Variants in C8orf76 observed in about 807,000 individuals in gnomAD.
C8orf76 encodes uncharacterized protein C8orf76.
In C8orf76, 46 loss-of-function variants were observed where a neutral mutation model predicts 38.1. The ratio of observed to expected loss-of-function variants is 1.21; its 90% CI spans 0.95 to 1.54. C8orf76 has a LOEUF of 1.54. C8orf76 is among the 40% of genes most tolerant of loss of function. The pLI is 0.00. For synonymous variants in C8orf76, 166 were observed against 167.5 expected (o/e 0.99, Z 0.07); for missense variants, 461 against 441.6 (o/e 1.04, Z -0.39).
intron 1 of C8orf76, 130 bp from the exon 2 acceptor site, chr8:123,239,274 T>A: frequency 1.1e-6 from 1 of 951,578 alleles, no homozygotes; most frequent in African/African-American, 1.7e-5. Context: ...GCCAGGTTAG[T>A]CTTGAACTCC....
At chr8:123,232,040 AAACATAAAT>A (rs1468326201) in intron 3 of C8orf76, among the ~76,000 whole-genome samples, 1 of 152,256 alleles carries the variant, frequency 6.6e-6, no homozygotes, top group Non-Finnish European at 1.5e-5. Context: ...TCAGCATCAA[AAACATAAAT>A]ATCCATTTAT....
intron 4 of C8orf76, among the ~76,000 whole-genome samples, chr8:123,230,158 T>G (rs1225857345): frequency 6.6e-6 from 1 of 152,200 alleles, no homozygotes; most frequent in Non-Finnish European, 1.5e-5. Flanking sequence ...GAGAGTCTGC[T>G]TCTTCTCTCA....
intron 4 of C8orf76, among the ~76,000 whole-genome samples, chr8:123,228,625 A>C (rs1825130833): frequency 1.3e-5 from 2 of 152,018 alleles, no homozygotes; most frequent in South Asian, 4.1e-4. Flanking sequence ...GTCTCAAAAA[A>C]AAAAACACCA....
Position 123,220,045 on chromosome 8 carries a change from G to T in C8orf76, c.*58C>A. On this transcript the variant is annotated 3_prime_UTR_variant, in exon 6 of 6. Coordinates refer to ENST00000276704, the MANE Select transcript of C8orf76 (RefSeq NM_032847.3). ...TGATTAGCAATGGATCCTGTCTGAA[G>T]TAAACAAGGACAATTAATACAGTAC... 1.9e-6 allele frequency: 2 copies of T among 1,039,162 alleles called. No individual in the cohort carries two copies. Among genetic ancestry groups the T allele is most frequent in the Non-Finnish European group, 2.7e-6 (2 of 729,096 alleles). 64.4% of individuals were successfully genotyped at this position (1,039,162 alleles called of 1,614,324 possible).
At chr8:123,233,201 T>A (rs921097515) in intron 3 of C8orf76, among the ~76,000 whole-genome samples, 3 of 146,508 alleles carry the variant, frequency 2.0e-5, no homozygotes, top group African/African-American at 8.0e-5. Flanking sequence ...TTGCATAAAG[T>A]AAAGACAGGG....
At chr8:123,238,069 T>C in intron 2 of C8orf76, 128 bp from the exon 3 acceptor site, 4 of 1,120,374 alleles carry the variant, frequency 3.6e-6, no homozygotes, top group South Asian at 3.8e-5. Context: ...ATTACATGAA[T>C]ATTTAAATGA....
At position 123,241,298 on chromosome 8, in the gene C8orf76, A is replaced by G; in HGVS notation, c.49T>C (p.Phe17Leu). 1 of 1,577,208 alleles carries G rather than the reference A, an allele frequency of 6.3e-7. No individual in the cohort carries two copies. The highest frequency in any genetic ancestry group is 8.6e-7 in the Non-Finnish European group (1 of 1,166,754). ...GACCGCCGCTCCGGCCTCTCCTCGA[A>G]CACCGAGTCCTCGAACTCGCCGCCG... ...LFGGEFEDSV[F>L]EERPERRSGP... The change falls in exon 1 of 6, where the codon TTC becomes CTC. Residue 17 changes from phenylalanine (F) to leucine (L), a missense_variant. Phe to Leu is a conservative substitution (Grantham distance 22). Coordinates refer to ENST00000276704, the MANE Select transcript of C8orf76 (RefSeq NM_032847.3).
chr8:123,241,308 C>A lies in C8orf76; in HGVS notation c.39G>T (p.Glu13Asp), dbSNP rs376588608. 3.9e-5 allele frequency: 62 copies of A among 1,574,342 alleles called. No individual in the cohort carries two copies. Among genetic ancestry groups the A allele is most frequent in the East Asian group, 2.0e-4 (8 of 40,690 alleles). Residue 13 changes from glutamate to aspartate, a missense_variant, in exon 1 of 6, where the codon GAG becomes GAT. Glu to Asp is a conservative substitution (Grantham distance 45). Transcript: ENST00000276704. ...CCGGCCTCTCCTCGAACACCGAGTC[C>A]TCGAACTCGCCGCCGAACAACCAGC... Reference protein sequence around the residue: ...SGCWLFGGEFEDSVFEERPER... With the variant: ...SGCWLFGGEFDDSVFEERPER...
intron 5 of C8orf76, among the ~76,000 whole-genome samples, chr8:123,220,962 C>T (rs1219325265): frequency 6.6e-6 from 1 of 152,184 alleles, no homozygotes; most frequent in South Asian, 2.1e-4. Context: ...AGTTCCAAAA[C>T]ATTTCATACC....
rs2131147207 is a variant in C8orf76, at chr8:123,231,155, TGACAAAC to T, written c.815+138_815+144del. 2.9e-6 allele frequency: 3 copies of T among 1,023,206 alleles called. No homozygotes were observed. The East Asian group carries it at 8.0e-5, about 27-fold the overall frequency. The allele number at this position is 1,023,206 out of a possible 1,614,324, so 63.4% of individuals were successfully genotyped here. On this transcript the variant is annotated intron_variant, in intron 4 of 5. Coordinates refer to ENST00000276704, the MANE Select transcript of C8orf76 (RefSeq NM_032847.3). Reference sequence around the variant, plus strand: ...TGTTTCCAAGTATTACACACTAGAATGACAAACGTTCAACACAACCATAGGAAAATTT... The same window carrying T: ...TGTTTCCAAGTATTACACACTAGAATGTTCAACACAACCATAGGAAAATTT...
At position 123,221,890 on chromosome 8, in the gene C8orf76, T is replaced by TA. The variant is rs1027049315; in HGVS notation, c.949-1594dup. On this transcript the variant is annotated intron_variant, in intron 5 of 5. Transcript: ENST00000276704. ...TGCCACTGCACTTCAGCCTGGGAGA[T>TA]AGAGTGAGACCCCACCTCCAAAAAA... Among the ~76,000 whole-genome samples, 5 of 152,292 alleles carry TA rather than the reference T, an allele frequency of 3.3e-5. No individual in the cohort carries two copies. In the East Asian group the frequency reaches 9.7e-4, roughly 29 times the overall value.
At position 123,231,511 on chromosome 8, in the gene C8orf76, T is replaced by A; in HGVS notation, c.604A>T (p.Lys202Ter). The A allele has an allele frequency of 6.2e-7, 1 of 1,614,242 alleles. No individual in the cohort carries two copies. Among genetic ancestry groups the A allele is most frequent in the Non-Finnish European group, 8.5e-7 (1 of 1,180,048 alleles). The change falls in exon 4 of 6, where the codon AAA becomes TAA. Residue 202 changes from lysine to a stop codon, truncating the protein, a stop_gained. Transcript: ENST00000276704. LOFTEE classifies it high-confidence loss of function. ...TTTCCTGAGTGTGGAAAGAAGGATTTGATAGTTTTGTCACTTGAGGTGAAA... is the reference window on the plus strand; with the variant it reads ...TTTCCTGAGTGTGGAAAGAAGGATTAGATAGTTTTGTCACTTGAGGTGAAA... ...HSFTSSDKTI[K>*]SFFPHSGKDC...
intron 4 of C8orf76, among the ~76,000 whole-genome samples, chr8:123,228,898 C>G (rs1438426200): frequency 2.0e-5 from 3 of 152,248 alleles, no homozygotes; most frequent in Non-Finnish European, 4.4e-5. Context: ...CTCCATCTGT[C>G]AAGATTAAGC....
intron 3 of C8orf76, among the ~76,000 whole-genome samples, chr8:123,233,299 A>T (rs1045329536): frequency 6.6e-6 from 1 of 151,966 alleles, no homozygotes; most frequent in Non-Finnish European, 1.5e-5. Flanking sequence ...GCTTACAGGC[A>T]TGAACCACTG....
At chr8:123,238,956 A>AT in intron 2 of C8orf76, 93 bp downstream of exon 2, 1 of 1,319,968 alleles carries the variant, frequency 7.6e-7, no homozygotes, top group South Asian at 1.2e-5. Flanking sequence ...ACTCATCTTC[A>AT]TAAACACCAC....
chr8:123,234,053 ATGAG>A (rs1422939658), intron 3 of C8orf76, among the ~76,000 whole-genome samples: 2 of 152,000 alleles, frequency 1.3e-5, no homozygotes, highest in African/African-American at 4.8e-5. Context: ...ATCTATTTAA[ATGAG>A]TGAGTGATTT....
intron 4 of C8orf76, among the ~76,000 whole-genome samples, chr8:123,228,575 C>T (rs1379301078): frequency 3.3e-5 from 5 of 151,790 alleles, no homozygotes; most frequent in African/African-American, 1.2e-4. Context: ...GCCGAGATCG[C>T]GCCATTGCAC....
At chr8:123,230,972 A>T (rs534425233) in intron 4 of C8orf76, among the ~76,000 whole-genome samples, 1 of 151,964 alleles carries the variant, frequency 6.6e-6, no homozygotes, top group South Asian at 2.1e-4. Flanking sequence ...TTCAAAAAAA[A>T]ATTTTTGTAG....
In C8orf76 at chr8:123,231,774, A is replaced by G; in HGVS notation, c.358-17T>C. 6.5e-7 allele frequency: 1 copy of G among 1,539,802 alleles called. No individual in the cohort carries two copies. Among genetic ancestry groups the G allele is most frequent in the South Asian group, 1.2e-5 (1 of 81,308 alleles). ...TTTATTTTCCTAAGGAGAAAAAAAAAAGGTTAAGAAGTTTAAACTTCAAAG... is the reference window on the plus strand; with the variant it reads ...TTTATTTTCCTAAGGAGAAAAAAAAGAGGTTAAGAAGTTTAAACTTCAAAG... On this transcript the variant is annotated splice_polypyrimidine_tract_variant and intron_variant, in intron 3 of 5. Transcript: ENST00000276704.
Sources: gnomAD v4.1 joint callset for allele counts (sites outside exome capture counted in the v4.1 genomes callset) on GRCh38, gnomAD v4.1.1 for gene constraint, MANE v1.5 for transcripts, NCBI Gene and HGNC (gene_info 2026-07-23, HGNC 2026-07-21) for gene names.